The following ZNF831 variants were observed in gnomAD, a reference collection of about 807,000 sequenced individuals.
The protein encoded by ZNF831 is chromosome 20 open reading frame 174.
In ZNF831, 59 loss-of-function variants were observed where a neutral mutation model predicts 95.8. That is an observed-to-expected ratio of 0.62 (90% confidence interval 0.50 to 0.77). The LOEUF is 0.77. Among genes scored for constraint, ZNF831 ranks in the 30% least tolerant of loss-of-function variants. The pLI is 0.00. For missense variants in ZNF831, 2,205 were observed against 2,164.0 expected (o/e 1.02, Z -0.38); for synonymous variants, 961 against 925.5 (o/e 1.04, Z -0.70).
intron 1 of ZNF831, among the ~76,000 whole-genome samples, chr20:59,174,032 C>T (rs1418338380): frequency 1.3e-5 from 2 of 152,118 alleles, no homozygotes; most frequent in East Asian, 1.9e-4. Context: ...AGTTGCTAGG[C>T]AAACAGCTGA....
chr20:59,135,996 T>C (rs1313274994), intron 1 of ZNF831, among the ~76,000 whole-genome samples: 4 of 152,176 alleles, frequency 2.6e-5, no homozygotes, highest in African/African-American at 7.2e-5. Flanking sequence ...TAGGCTGTGT[T>C]CCTTACTGGA....
At position 59,191,488 on chromosome 20, in the gene ZNF831, A is replaced by G. The variant is rs2146548566; in HGVS notation, c.469A>G (p.Ser157Gly). Reference protein sequence around the residue: ...PHCGRDCLKPSVLEKHIRSHT... With the variant: ...PHCGRDCLKPGVLEKHIRSHT... ...CTGTGGTCGCGACTGCCTGAAGCCC[A>G]GTGTTCTAGAGAAGCACATCCGGTC... Residue 157 changes from serine to glycine, a missense_variant, in exon 2 of 6, where the codon AGT becomes GGT. Coordinates refer to ENST00000371030, the MANE Select transcript of ZNF831 (RefSeq NM_178457.3). 1 of 1,613,108 alleles carries G rather than the reference A, an allele frequency of 6.2e-7. No homozygotes were observed. The highest frequency in any genetic ancestry group is 8.5e-7 in the Non-Finnish European group (1 of 1,180,002).
intron 1 of ZNF831, among the ~76,000 whole-genome samples, chr20:59,129,492 G>T (rs551205600): frequency 6.6e-6 from 1 of 152,088 alleles, no homozygotes; most frequent in Non-Finnish European, 1.5e-5. Flanking sequence ...ATGTGGTGGC[G>T]GGCGCCTGTA....
chr20:59,131,003 T>C (rs559929312), intron 1 of ZNF831, among the ~76,000 whole-genome samples: 2 of 152,108 alleles, frequency 1.3e-5, no homozygotes, highest in Non-Finnish European at 2.9e-5. Flanking sequence ...ATGTGGTGCA[T>C]GGTAGGTGCT....
intron 1 of ZNF831, among the ~76,000 whole-genome samples, chr20:59,127,556 C>T (rs236720): frequency 6.6e-6 from 1 of 152,034 alleles, no homozygotes; most frequent in Non-Finnish European, 1.5e-5. Flanking sequence ...TTGACACGTG[C>T]TTTCCTCGAT....
chr20:59,255,901 A>G lies in ZNF831; in HGVS notation c.*1158A>G, dbSNP rs1988163119. The G allele has an allele frequency of 6.6e-6, 1 of 152,244 alleles. No individual in the cohort carries two copies. Among genetic ancestry groups the G allele is most frequent in the Non-Finnish European group, 1.5e-5 (1 of 68,050 alleles). The allele number at this position is 152,244 out of a possible 1,614,324, so 9.4% of individuals were successfully genotyped here. A position where few individuals can be genotyped will look rare whatever the true frequency, so the allele number is the denominator to read the frequency against. On this transcript the variant is annotated 3_prime_UTR_variant, in exon 6 of 6. Coordinates refer to ENST00000371030, the MANE Select transcript of ZNF831 (RefSeq NM_178457.3). Reference sequence around the variant, plus strand: ...GGTGCGCCCCTGTGCAGAAGAAAACAGATCTACGTCAGCCAGCCCGGGGGG... The same window carrying G: ...GGTGCGCCCCTGTGCAGAAGAAAACGGATCTACGTCAGCCAGCCCGGGGGG...
At chr20:59,220,390 A>G (rs1986000952) in intron 4 of ZNF831, among the ~76,000 whole-genome samples, 2 of 152,212 alleles carry the variant, frequency 1.3e-5, no homozygotes, top group Admixed American at 1.3e-4. Flanking sequence ...ACAAGGGGCC[A>G]GGCCCTTTTG....
chr20:59,219,291 G>C (rs140521527), intron 4 of ZNF831, among the ~76,000 whole-genome samples: 14 of 152,288 alleles, frequency 9.2e-5, no homozygotes, highest in African/African-American at 2.9e-4. Context: ...AGACAGATGA[G>C]AGTCACGTGG....
At chr20:59,182,388 C>T (rs976288811) in intron 1 of ZNF831, among the ~76,000 whole-genome samples, 2 of 152,184 alleles carry the variant, frequency 1.3e-5, no homozygotes, top group African/African-American at 2.4e-5. Flanking sequence ...GTTTAATCCT[C>T]GTTATCCACA....
upstream of ZNF831, among the ~76,000 whole-genome samples, chr20:59,162,160 G>A (rs1980913460): frequency 6.6e-6 from 1 of 152,140 alleles, no homozygotes. Context: ...TTAGACCTCT[G>A]TTGGCTGCAT....
rs1310128195 is a variant in ZNF831, at chr20:59,193,662, G to A, written c.2643G>A (p.Glu881=). 5.0e-6 allele frequency: 8 copies of A among 1,612,908 alleles called. No homozygotes were observed. The highest frequency in any genetic ancestry group is 6.8e-6 in the Non-Finnish European group (8 of 1,179,802). ...ESARQVGEPL[E]SSGASLAAAS... ...CCAGGCAGGTGGGCGAGCCTCTGGA[G>A]TCCTCTGGAGCCTCCTTGGCTGCTG... The change falls in exon 2 of 6, where the codon GAG becomes GAA. Residue 881 remains glutamate (E), a synonymous_variant. Transcript: ENST00000371030.
intron 1 of ZNF831, among the ~76,000 whole-genome samples, chr20:59,125,161 A>T (rs1979132192): frequency 6.6e-6 from 1 of 152,168 alleles, no homozygotes; most frequent in Admixed American, 6.5e-5. Flanking sequence ...CAGCCTGGGG[A>T]CAGAGCTTGC....
intron 1 of ZNF831, among the ~76,000 whole-genome samples, chr20:59,128,904 G>A (rs1979261539): frequency 6.6e-6 from 1 of 152,124 alleles, no homozygotes; most frequent in South Asian, 2.1e-4. Context: ...TGGTATTATA[G>A]GCGCCCGCCA....
At chr20:59,195,695 A>T in intron 2 of ZNF831, 174 bp from the exon 3 acceptor site, 2 of 899,542 alleles carry the variant, frequency 2.2e-6, no homozygotes, top group South Asian at 5.1e-5. Flanking sequence ...CTGTCCAGGA[A>T]CGCTCTGCCG....
At chr20:59,175,035 G>A (rs1982034335) in intron 1 of ZNF831, among the ~76,000 whole-genome samples, 1 of 152,054 alleles carries the variant, frequency 6.6e-6, no homozygotes, top group Admixed American at 6.5e-5. Flanking sequence ...CTTTCCATCA[G>A]CTCTTGAAAA....
At chr20:59,221,506 C>G (rs1986071834) in intron 4 of ZNF831, among the ~76,000 whole-genome samples, 1 of 152,240 alleles carries the variant, frequency 6.6e-6, no homozygotes. Context: ...CATGGGGAAT[C>G]TGCTCCAAAA....
At chr20:59,179,760 T>C (rs1331047799) in intron 1 of ZNF831, among the ~76,000 whole-genome samples, 1 of 152,162 alleles carries the variant, frequency 6.6e-6, no homozygotes, top group African/African-American at 2.4e-5. Flanking sequence ...TCCAGTGTGA[T>C]ACCATTTTGA....
chr20:59,132,664 T>C (rs4812058), intron 1 of ZNF831, among the ~76,000 whole-genome samples: 20,516 of 152,286 alleles, frequency 0.13, 1,626 homozygotes, highest in East Asian at 0.28. Flanking sequence ...TTTTTTTCAA[T>C]TGGGCACCTT....
At chr20:59,177,496 C>G (rs1352631389) in intron 1 of ZNF831, among the ~76,000 whole-genome samples, 3 of 152,166 alleles carry the variant, frequency 2.0e-5, no homozygotes, top group Non-Finnish European at 2.9e-5. Flanking sequence ...ACCCCAGGTA[C>G]CAGCATGGCT....
Sources: allele counts gnomAD v4.1 joint callset (sites outside exome capture counted in the v4.1 genomes callset), GRCh38; gene constraint gnomAD v4.1.1; transcripts MANE v1.5; gene names NCBI Gene and HGNC (gene_info 2026-07-23, HGNC 2026-07-21).